The following SMC6 variants were observed in gnomAD, a reference collection of about 807,000 sequenced individuals.
The protein encoded by SMC6 is structural maintenance of chromosomes 6.
A neutral mutation model predicts 142.2 loss-of-function variants in SMC6; 79 were observed. The observed-to-expected ratio is 0.56, with a 90% CI of 0.46 to 0.67. The LOEUF is 0.67. Among genes scored for constraint, SMC6 ranks in the 30% least tolerant of loss-of-function variants. SMC6 has a pLI of 0.00. For synonymous variants in SMC6, 411 were observed against 412.4 expected, an observed-to-expected ratio of 1.00 and a Z score of 0.04; for missense variants, 1,072 against 1,284.0, an observed-to-expected ratio of 0.83 and a Z score of 2.52.
rs548887326 is a variant in SMC6 at position 17,700,802 on chromosome 2, C to T, written c.2224-424G>A. Among the ~76,000 whole-genome samples, 26 of 152,066 alleles carry T rather than the reference C, an allele frequency of 1.7e-4. No individual in the cohort carries two copies. The South Asian group carries it at 3.9e-3, about 23-fold the overall frequency. ...ATCCCAGCACTTTGGGAGGCCGACA[C>T]GGGTGGATCACCTAAGGACAGGAGT... On this transcript the variant is annotated intron_variant, in intron 20 of 27. Transcript: ENST00000448223.
chr2:17,689,873 CT>C (rs1178178455), intron 23 of SMC6, among the ~76,000 whole-genome samples: 1 of 151,946 alleles, frequency 6.6e-6, no homozygotes, highest in East Asian at 1.9e-4. Flanking sequence ...CTATTGTGTT[CT>C]TTTTTTGTTG....
intron 16 of SMC6, 104 bp downstream of exon 16, chr2:17,714,757 A>C (rs546505429): frequency 1.7e-6 from 2 of 1,196,572 alleles, no homozygotes; most frequent in Non-Finnish European, 2.4e-6. Flanking sequence ...AAATTTTACA[A>C]ATCAGTGGTA....
intron 9 of SMC6, among the ~76,000 whole-genome samples, chr2:17,722,672 A>G (rs1409612487): frequency 3.9e-5 from 6 of 152,202 alleles, no homozygotes; most frequent in Non-Finnish European, 8.8e-5. Flanking sequence ...GAGTTTTGTC[A>G]ATTCATGTAG....
intron 5 of SMC6, among the ~76,000 whole-genome samples, chr2:17,735,397 A>G (rs1670104078): frequency 1.3e-5 from 2 of 152,222 alleles, no homozygotes; most frequent in African/African-American, 4.8e-5. Context: ...GAGAACAAGG[A>G]ATAAGAAAAG....
intron 25 of SMC6, among the ~76,000 whole-genome samples, chr2:17,672,208 A>G (rs1045233613): frequency 2.0e-5 from 3 of 152,150 alleles, no homozygotes; most frequent in Non-Finnish European, 4.4e-5. Context: ...CCCCAAGTAA[A>G]TCTGGGGGAT....
At chr2:17,675,916 T>C (rs2103489248) in intron 25 of SMC6, among the ~76,000 whole-genome samples, 1 of 152,216 alleles carries the variant, frequency 6.6e-6, no homozygotes, top group South Asian at 2.1e-4. Context: ...GTTTTGAAAA[T>C]TCTCAAACAT....
At chr2:17,693,264 C>T (rs575303145) in intron 23 of SMC6, among the ~76,000 whole-genome samples, 16 of 152,004 alleles carry the variant, frequency 1.1e-4, no homozygotes, top group East Asian at 1.9e-4. Context: ...ATGTTTATTG[C>T]GGCACTATTC....
rs1670254149 is a variant in SMC6, at chr2:17,738,277, T to G, written c.288A>C (p.Arg96Ser). 1 of 1,613,526 alleles carries G rather than the reference T, an allele frequency of 6.2e-7. No individual in the cohort carries two copies. The highest frequency in any genetic ancestry group is 8.5e-7 in the Non-Finnish European group (1 of 1,179,932). The change falls in exon 5 of 28, where the codon AGA becomes AGC. Residue 96 changes from arginine to serine, a missense_variant. Physicochemically the swap from Arg to Ser is moderately radical, Grantham distance 110 (BLOSUM62 -1). Coordinates refer to ENST00000448223, the MANE Select transcript of SMC6 (RefSeq NM_001142286.2). ...LTALIVGLGG[R>S]AVATNRGSSL... ...AGGATCCTCTATTAGTAGCAACTGC[T>G]CTTCCACCAAGACCGACTATGAGAG... is the stretch of plus-strand genomic sequence containing the variant.
chr2:17,713,171 A>C (rs1311517270), intron 16 of SMC6, among the ~76,000 whole-genome samples: 2 of 151,874 alleles, frequency 1.3e-5, no homozygotes, highest in African/African-American at 4.8e-5. Context: ...ACTCTAAAAA[A>C]CTCTAATGTT....
chr2:17,737,842 T>C (rs1006198647), intron 5 of SMC6, among the ~76,000 whole-genome samples: 2 of 152,216 alleles, frequency 1.3e-5, no homozygotes, highest in African/African-American at 4.8e-5. Context: ...TCACTGATTT[T>C]GCTCTCCCTA....
intron 26 of SMC6, among the ~76,000 whole-genome samples, chr2:17,667,795 A>C (rs746524701): frequency 6.6e-6 from 1 of 152,208 alleles, no homozygotes; most frequent in Admixed American, 6.5e-5. Flanking sequence ...GGTCGCAGTG[A>C]GCTGAAATCA....
chr2:17,753,724 G>A lies in SMC6; in HGVS notation c.-191C>T, dbSNP rs1268534791. ...CCCTGCGGGCGTCTCGACCTCGGCT[G>A]ACCGCCGCTGGCCCCCTGGGAACCG... On this transcript the variant is annotated 5_prime_UTR_variant, in exon 1 of 28. Transcript: ENST00000448223. 6.6e-6 allele frequency: 1 copy of A among 152,290 alleles called. No homozygotes were observed. The highest frequency in any genetic ancestry group is 1.5e-5 in the Non-Finnish European group (1 of 68,084). 9.4% of individuals were successfully genotyped at this position (152,290 alleles called of 1,614,324 possible).
intron 21 of SMC6, among the ~76,000 whole-genome samples, chr2:17,698,168 G>A (rs981464888): frequency 2.6e-5 from 4 of 151,908 alleles, no homozygotes; most frequent in South Asian, 2.1e-4. Context: ...TAATCAGTAC[G>A]GGTTTCTTTA....
chr2:17,669,180 C>T (rs965251914), intron 26 of SMC6, among the ~76,000 whole-genome samples: 5 of 152,030 alleles, frequency 3.3e-5, no homozygotes, highest in African/African-American at 7.2e-5. Context: ...TAGGTGACTG[C>T]GCTGGAAATG....
chr2:17,721,886 G>A lies in SMC6; in HGVS notation c.727-625C>T, dbSNP rs543414788. On this transcript the variant is annotated intron_variant, in intron 9 of 27. Coordinates refer to ENST00000448223, the MANE Select transcript of SMC6 (RefSeq NM_001142286.2). ...AATTTTTGTATTTTTGGTAGAGACG[G>A]GGTTTCATCATGTTAGCCAGGAACT... Among the ~76,000 whole-genome samples the A allele has an allele frequency of 2.6e-5, 4 of 152,012 alleles. No individual in the cohort carries two copies. In the South Asian group the frequency reaches 8.3e-4, roughly 32 times the overall value.
chr2:17,673,402 T>A (rs1432526657), intron 25 of SMC6, among the ~76,000 whole-genome samples: 1 of 152,098 alleles, frequency 6.6e-6, no homozygotes, highest in African/African-American at 2.4e-5. Context: ...TCTTTTCTTT[T>A]GAGTAGGTTG....
Position 17,683,620 on chromosome 2 carries a change from A to G in SMC6, c.2804+18T>C. On this transcript the variant is annotated intron_variant, in intron 24 of 27. Transcript: ENST00000448223. Reference sequence around the variant, plus strand: ...ACAAAAATGTATAATATATAGTAACATTTTTCAATGTACTTACCTTCTAAA... The same window carrying G: ...ACAAAAATGTATAATATATAGTAACGTTTTTCAATGTACTTACCTTCTAAA... 6.3e-7 allele frequency: 1 copy of G among 1,589,480 alleles called. No homozygotes were observed. The highest frequency in any genetic ancestry group is 8.6e-7 in the Non-Finnish European group (1 of 1,167,522).
Position 17,703,274 on chromosome 2 carries a change from A to C in SMC6, c.2025T>G (p.Val675=). 1 of 1,601,476 alleles carries C rather than the reference A, an allele frequency of 6.2e-7. No homozygotes were observed. Among genetic ancestry groups the C allele is most frequent in the Non-Finnish European group, 8.5e-7 (1 of 1,175,812 alleles). ...DSEISDLENE[V]ENKTAQILNL... ...TTAATATCTGGGCCGTCTTATTTTC[A>C]ACCTCATTCTCCAAGTCACTTGATA... The change falls in exon 19 of 28, where the codon GTT becomes GTG. Residue 675 remains valine, a synonymous_variant. Transcript: ENST00000448223.
intron 24 of SMC6, chr2:17,679,220 C>A: frequency 2.9e-6 from 1 of 348,812 alleles, no homozygotes. Flanking sequence ...AGTCATCTCA[C>A]ATTTAATATA....
Sources: gnomAD v4.1 joint callset for allele counts (sites outside exome capture counted in the v4.1 genomes callset) on GRCh38, gnomAD v4.1.1 for gene constraint, MANE v1.5 for transcripts, NCBI Gene and HGNC (gene_info 2026-07-23, HGNC 2026-07-21) for gene names.